PERM1: variants seen among roughly 807,000 people sequenced by gnomAD.
PERM1 encodes PGC-1 and ERR-induced regulator in muscle protein 1.
Under a neutral mutation model 44.1 loss-of-function variants are expected in PERM1, and 45 were observed. The observed-to-expected ratio is 1.02, with a 90% CI of 0.80 to 1.31. The LOEUF (loss-of-function observed/expected upper bound fraction) is 1.31. Ranked by LOEUF, PERM1 falls within the 50% of genes most tolerant of loss-of-function variation. The pLI is 0.00. For missense variants in PERM1, 1,189 were observed against 1,106.9 expected, an observed-to-expected ratio of 1.07 and a Z score of -1.05; for synonymous variants, 565 against 477.1, an observed-to-expected ratio of 1.18 and a Z score of -2.40.
exon 1 of PERM1, chr1:979,431 C>T: frequency 6.5e-7 from 1 of 1,534,934 alleles, no homozygotes. Context: ...CCCCGTGGGC[C>T]CCAGTTGCTG....
At chr1:979,786 G>T (rs1203483131) in exon 1 of PERM1, 1 of 1,550,254 alleles carries the variant, frequency 6.5e-7, no homozygotes, top group Non-Finnish European at 8.7e-7. Context: ...GCCTGCTGTA[G>T]GCAAGGCCAC....
At position 976,637 on chromosome 1, in the gene PERM1, C is replaced by T; in HGVS notation, c.2150-13G>A. On this transcript the variant is annotated splice_polypyrimidine_tract_variant and intron_variant, in intron 1 of 2. Transcript: ENST00000433179. ...CCCCGGAGCTCCCCTAGGACAGAAG[C>T]TCACCTTCAGCCCCACGGCTGCACT... 6.5e-7 allele frequency: 1 copy of T among 1,548,978 alleles called. No homozygotes were observed. The highest frequency in any genetic ancestry group is 8.7e-7 in the Non-Finnish European group (1 of 1,146,096).
At chr1:980,467 A>G in exon 1 of PERM1, 1 of 1,528,216 alleles carries the variant, frequency 6.5e-7, no homozygotes, top group African/African-American at 1.4e-5. Flanking sequence ...CTTGGCACCC[A>G]CAGCTCGCCT....
At chr1:980,953 C>G (rs969883169) in exon 1 of PERM1, 2 of 1,459,062 alleles carry the variant, frequency 1.4e-6, no homozygotes, top group Non-Finnish European at 1.8e-6. Context: ...CTGCAGGAGG[C>G]CACACTCATC....
At chr1:980,069 C>T (rs773255636) in exon 1 of PERM1, 10 of 1,547,370 alleles carry the variant, frequency 6.5e-6, no homozygotes, top group South Asian at 3.6e-5. Context: ...GATTGCGGCT[C>T]GGAGGCAGGT....
exon 1 of PERM1, chr1:979,742 G>A: frequency 1.9e-6 from 3 of 1,550,368 alleles, no homozygotes; most frequent in Non-Finnish European, 2.6e-6. Flanking sequence ...TCCGAGACAG[G>A]TGGAGATGAA....
exon 3 of PERM1, chr1:976,105 C>T: frequency 1.4e-6 from 2 of 1,477,024 alleles, no homozygotes; most frequent in East Asian, 2.5e-5. Context: ...GAGGGCGGCA[C>T]CTCGTCCTGC....
exon 1 of PERM1, chr1:979,721 T>G (rs1643735226): frequency 3.2e-6 from 5 of 1,550,126 alleles, no homozygotes; most frequent in Non-Finnish European, 4.4e-6. Flanking sequence ...TCGGTCATCC[T>G]CGGCACAGCC....
chr1:979,219 C>T (rs1423830147), exon 1 of PERM1: 9 of 1,550,000 alleles, frequency 5.8e-6, no homozygotes, highest in Non-Finnish European at 7.8e-6. Flanking sequence ...CGGATCCTGA[C>T]CGGCCGCTGC....
At chr1:978,994 G>T in exon 1 of PERM1, 1 of 1,527,558 alleles carries the variant, frequency 6.5e-7, no homozygotes, top group South Asian at 1.2e-5. Context: ...CAGTGGGAGC[G>T]GGACAGCCGG....
exon 1 of PERM1, chr1:980,252 G>A: frequency 6.4e-7 from 1 of 1,550,416 alleles, no homozygotes; most frequent in Non-Finnish European, 8.7e-7. Flanking sequence ...TCTGTCACAG[G>A]GACAGGTGTA....
chr1:980,237 C>T (rs1435377881), exon 1 of PERM1: 1 of 1,550,412 alleles, frequency 6.4e-7, no homozygotes, highest in Non-Finnish European at 8.7e-7. Context: ...TGGTCTGTGC[C>T]TTGCTCTGTC....
exon 1 of PERM1, chr1:980,669 G>C: frequency 7.0e-7 from 1 of 1,429,322 alleles, no homozygotes; most frequent in Non-Finnish European, 9.1e-7. Flanking sequence ...TGGCTGGGAG[G>C]GCTGGCGCCG....
At chr1:978,760 C>T in intron 1 of PERM1, 121 bp downstream of exon 2, 2 of 918,922 alleles carry the variant, frequency 2.2e-6, no homozygotes, top group Non-Finnish European at 3.1e-6. Context: ...TCCCCAGGCT[C>T]CCCTGCTAGG....
exon 1 of PERM1, chr1:979,719 C>T: frequency 6.5e-7 from 1 of 1,550,308 alleles, no homozygotes; most frequent in Non-Finnish European, 8.7e-7. Context: ...ACTCGGTCAT[C>T]CTCGGCACAG....
upstream of PERM1, chr1:981,985 TGG>T (rs1309682582): frequency 5.2e-4 from 617 of 1,194,838 alleles, 1 homozygote; most frequent in African/African-American, 9.1e-3. Flanking sequence ...CCCTCCTCTC[TGG>T]TCTCTTGAGA....
At position 976,288 on chromosome 1, in the gene PERM1, C is replaced by T. The variant is rs1204194624; in HGVS notation, c.2276-19G>A. On this transcript the variant is annotated intron_variant, in intron 2 of 2. Coordinates refer to ENST00000433179, the Ensembl canonical transcript of PERM1. ...AGCAAGGCTGCAAGAGAAGCACAGG[C>T]TCTTCTGAGGGCCAGCCTGGCTGTC... 2.0e-6 allele frequency: 3 copies of T among 1,492,880 alleles called. No homozygotes were observed. Among genetic ancestry groups the T allele is most frequent in the Non-Finnish European group, 2.7e-6 (3 of 1,120,060 alleles). The allele number at this position is 1,492,880 out of a possible 1,614,324, so 92.5% of individuals were successfully genotyped here.
exon 1 of PERM1, chr1:980,081 T>C: frequency 6.5e-7 from 1 of 1,549,506 alleles, no homozygotes; most frequent in Non-Finnish European, 8.7e-7. Flanking sequence ...GAGGCAGGTG[T>C]AGACACAGCC....
intron 1 of PERM1, 99 bp downstream of exon 2, chr1:978,782 G>T: frequency 8.5e-7 from 1 of 1,181,486 alleles, no homozygotes. Context: ...GATGACCCAA[G>T]CCCGGCCTGC....
Sources: gnomAD v4.1 joint callset for allele counts on GRCh38, gnomAD v4.1.1 for gene constraint, MANE v1.5 for transcripts, NCBI Gene and HGNC (gene_info 2026-07-23, HGNC 2026-07-21) for gene names.